The following ANKRD52 variants were observed in gnomAD, a reference collection of about 807,000 sequenced individuals.
ANKRD52 encodes the protein serine/threonine-protein phosphatase 6 regulatory ankyrin repeat subunit C.
Under a neutral mutation model 116.0 loss-of-function variants are expected in ANKRD52, and 7 were observed. That is an observed-to-expected ratio of 0.06 (90% CI 0.03 to 0.11). The LOEUF (loss-of-function observed/expected upper bound fraction) is 0.11, where lower values mean the gene tolerates loss of function less well. Among genes scored for constraint, ANKRD52 ranks in the 10% least tolerant of loss-of-function variants. The pLI, the probability that ANKRD52 is intolerant of heterozygous loss-of-function variation, is 1.00. For missense variants in ANKRD52, 839 were observed against 1,408.6 expected (o/e 0.60, Z 6.47); for synonymous variants, 528 against 578.1 (o/e 0.91, Z 1.24).
Position 56,248,675 on chromosome 12 carries a change from T to C in ANKRD52, c.1704+84A>G. ...AAGCCTCTGGATCCAAAGACCACAT[T>C]TGATTGAACCCTTAGTTTTGGAATC... is the stretch of plus-strand genomic sequence containing the variant. On this transcript the variant is annotated intron_variant, in intron 16 of 27. Coordinates refer to ENST00000267116, the MANE Select transcript of ANKRD52 (RefSeq NM_173595.4). The surrounding 1 kb of genome is among the most constrained non-coding windows in gnomAD (Gnocchi z 5.1). 6.7e-7 allele frequency: 1 copy of C among 1,485,958 alleles called. No homozygotes were observed. 92.0% of individuals were successfully genotyped at this position (1,485,958 alleles called of 1,614,324 possible).
intron 20 of ANKRD52, among the ~76,000 whole-genome samples, 166 bp downstream of exon 20, chr12:56,247,327 T>C (rs1592389603): frequency 7.9e-6 from 1 of 126,876 alleles, no homozygotes; most frequent in Non-Finnish European, 1.6e-5. Context: ...ACCTGGGCAA[T>C]GGGAGTGAGA....
At chr12:56,249,070 T>C (rs1031919555) in intron 15 of ANKRD52, among the ~76,000 whole-genome samples, 200 bp from the exon 16 acceptor site, 1 of 152,242 alleles carries the variant, frequency 6.6e-6, no homozygotes, top group African/African-American at 2.4e-5. Context: ...AGGTCTGCCC[T>C]GAACCCCTCT....
At position 56,248,288 on chromosome 12, in the gene ANKRD52, C is replaced by T. The variant is rs1288106681; in HGVS notation, c.1777-64G>A. 1 of 1,579,676 alleles carries T rather than the reference C, an allele frequency of 6.3e-7. No homozygotes were observed. Among genetic ancestry groups the T allele is most frequent in the Non-Finnish European group, 8.7e-7 (1 of 1,154,052 alleles). On this transcript the variant is annotated intron_variant, in intron 17 of 27. Transcript: ENST00000267116. This position sits in a 1 kb window ranked among gnomAD's most constrained non-coding sequence, Gnocchi z 5.1. ...CCTTCCCTGCTCCTCCCTTCCCCTT[C>T]TCTGCTCTTGGGGTCCCTGGGAAGC... is the stretch of plus-strand genomic sequence containing the variant.
chr12:56,253,522 C>A lies in ANKRD52; in HGVS notation c.986-120G>T, dbSNP rs992912830. 4.3e-5 allele frequency: 41 copies of A among 947,408 alleles called. No homozygotes were observed. Among genetic ancestry groups the A allele is most frequent in the Admixed American group, 6.4e-5 (3 of 46,898 alleles). 58.7% of individuals were successfully genotyped at this position (947,408 alleles called of 1,614,324 possible). On this transcript the variant is annotated intron_variant, in intron 9 of 27. Transcript: ENST00000267116. The surrounding 1 kb of genome is among the most constrained non-coding windows in gnomAD (Gnocchi z 5.5). ...ATCAGGTGCCAGGCCCAGGATTCTA[C>A]ATATTTTATCCTGTTTCTAGGCCTT...
intron 20 of ANKRD52, 25 bp downstream of exon 20, chr12:56,247,468 C>T (rs536356733): frequency 1.3e-6 from 2 of 1,544,470 alleles, no homozygotes; most frequent in East Asian, 4.9e-5. Flanking sequence ...CATGTGCAAA[C>T]AATCCCCCCT....
intron 3 of ANKRD52, 54 bp from the exon 4 acceptor site, chr12:56,257,139 A>G: frequency 6.3e-7 from 1 of 1,587,568 alleles, no homozygotes. Context: ...GGTATGAAGG[A>G]AGCCAGTAAT....
rs757393559 is a variant in ANKRD52 at position 56,251,995 on chromosome 12, G to C, written c.1592+20C>G. The C allele has an allele frequency of 6.2e-7, 1 of 1,610,884 alleles. No individual in the cohort carries two copies. The highest frequency in any genetic ancestry group is 2.2e-5 in the East Asian group (1 of 44,884). On this transcript the variant is annotated intron_variant, in intron 15 of 27. Transcript: ENST00000267116. ...ATGGGTTGGGGAAAGCACATCCCAGGGGCCCTCTCTGCTACTCACAAGAAG... is the reference window on the plus strand; with the variant it reads ...ATGGGTTGGGGAAAGCACATCCCAGCGGCCCTCTCTGCTACTCACAAGAAG...
Position 56,257,901 on chromosome 12 carries a change from A to C in ANKRD52, c.38T>G (p.Val13Gly). ...ILSITDQPPL[V>G]QAIFSRDVEE... ...CACATCTCGGCTAAAGATGGCCTGG[A>C]CCAGGGGCGGCTGCAGAGAGAACCG... Residue 13 changes from valine to glycine, a missense_variant, in exon 2 of 28, where the codon GTC (valine) becomes GGC (glycine). This residue lies in a region of ANKRD52 where 287 missense variants were observed against 598.1 expected (regional missense o/e 0.48). Transcript: ENST00000267116. 1 of 1,586,300 alleles carries C rather than the reference A, an allele frequency of 6.3e-7. No homozygotes were observed. Among genetic ancestry groups the C allele is most frequent in the Non-Finnish European group, 8.6e-7 (1 of 1,164,622 alleles).
At chr12:56,249,937 G>A (rs1312322762) in intron 15 of ANKRD52, among the ~76,000 whole-genome samples, 3 of 152,206 alleles carry the variant, frequency 2.0e-5, no homozygotes. Flanking sequence ...CTACTCAGGA[G>A]GCTGAGGCAG....
chr12:56,249,554 G>C (rs903837753), intron 15 of ANKRD52, among the ~76,000 whole-genome samples: 1 of 152,056 alleles, frequency 6.6e-6, no homozygotes, highest in Non-Finnish European at 1.5e-5. Context: ...TTGGATTTTA[G>C]TGTCCTTTTT....
intron 20 of ANKRD52, 115 bp downstream of exon 20, chr12:56,247,378 G>T: frequency 1.6e-3 from 1,077 of 665,436 alleles, no homozygotes; most frequent in Non-Finnish European, 2.4e-3. Context: ...AAAGAAAAAA[G>T]ACGGCACAAA....
In ANKRD52 at chr12:56,240,493, C is replaced by G. The variant is rs1414891131; in HGVS notation, c.*2649G>C. 2.6e-5 allele frequency: 4 copies of G among 151,806 alleles called. No homozygotes were observed. The highest frequency in any genetic ancestry group is 5.9e-5 in the Non-Finnish European group (4 of 67,924). The allele number at this position is 151,806 out of a possible 1,614,324, so 9.4% of individuals were successfully genotyped here. On this transcript the variant is annotated 3_prime_UTR_variant, in exon 28 of 28. Coordinates refer to ENST00000267116, the MANE Select transcript of ANKRD52 (RefSeq NM_173595.4). The surrounding 1 kb of genome is among the most constrained non-coding windows in gnomAD (Gnocchi z 4.2). The stretch of plus-strand genomic sequence containing the variant: ...GTGGGGAGAGGGGGGAGGGGGAGGG[C>G]AAAGGGAAGGCGCTGTTCCCTCCCC...
intron 20 of ANKRD52, among the ~76,000 whole-genome samples, chr12:56,246,444 G>A (rs1260927508): frequency 1.3e-5 from 2 of 152,168 alleles, no homozygotes; most frequent in Non-Finnish European, 2.9e-5. Context: ...AGTTAATACT[G>A]GAAAGACTAA....
rs1002889836 is a variant in ANKRD52 at position 56,243,849 on chromosome 12, A to G, written c.2916T>C (p.Gly972=). ...GCAGGGCCTGTACCACAGAAGCTAG[A>G]CCATTCCGGGCAGCAATGTGGAGTG... ...QMPLHIAARN[G]LASVVQALLS... Residue 972 remains glycine (G), a synonymous_variant, in exon 27 of 28, where the codon GGT becomes GGC. Transcript: ENST00000267116. The surrounding 1 kb of genome is among the most constrained non-coding windows in gnomAD (Gnocchi z 4.6). The G allele has an allele frequency of 3.8e-6, 6 of 1,566,618 alleles. No individual in the cohort carries two copies. Among genetic ancestry groups the G allele is most frequent in the Non-Finnish European group, 5.2e-6 (6 of 1,155,326 alleles).
chr12:56,256,003 CA>C lies in ANKRD52; in HGVS notation c.262-20del, dbSNP rs955737596. On this transcript the variant is annotated intron_variant, in intron 4 of 27. Coordinates refer to ENST00000267116, the MANE Select transcript of ANKRD52 (RefSeq NM_173595.4). ...GCACCTTCTGTTGAGGGGCAGGGGACAAAAGAGAGAGTGGGAGCAGGAGGTA... is the reference window on the plus strand; with the variant it reads ...GCACCTTCTGTTGAGGGGCAGGGGACAAAGAGAGAGTGGGAGCAGGAGGTA... The C allele has an allele frequency of 1.1e-5, 17 of 1,546,988 alleles. No homozygotes were observed. The African/African-American group carries it at 2.2e-4, about 20-fold the overall frequency.
In ANKRD52 at chr12:56,252,162, C is replaced by T; in HGVS notation, c.1511+13G>A. On this transcript the variant is annotated intron_variant, in intron 14 of 27. Transcript: ENST00000267116. This position sits in a 1 kb window ranked among gnomAD's most constrained non-coding sequence, Gnocchi z 4.7. ...GTGAATGGGGCTGAGAAGGACCAGA[C>T]TGGTAGCCTCACCTCCTGTAAGTGT... 6.2e-7 allele frequency: 1 copy of T among 1,613,940 alleles called. No individual in the cohort carries two copies. Among genetic ancestry groups the T allele is most frequent in the Non-Finnish European group, 8.5e-7 (1 of 1,179,856 alleles).
chr12:56,254,905 G>A lies in ANKRD52; in HGVS notation c.510C>T (p.Asp170=). The A allele has an allele frequency of 6.2e-7, 1 of 1,613,540 alleles. No homozygotes were observed. The highest frequency in any genetic ancestry group is 1.1e-5 in the South Asian group (1 of 91,076). The change falls in exon 6 of 28, where the codon GAC becomes GAT. Residue 170 remains aspartate (D), a synonymous_variant. Coordinates refer to ENST00000267116, the MANE Select transcript of ANKRD52 (RefSeq NM_173595.4). The surrounding 1 kb of genome is among the most constrained non-coding windows in gnomAD (Gnocchi z 4.6). ...LNKGASLNVC[D]KKERQPLHWA... ...AATGCAGAGGCTGCCGCTCCTTTTT[G>A]TCACAGACATTCAGGCTGGCTCCCT...
Position 56,255,118 on chromosome 12 carries a change from A to C in ANKRD52, c.463-166T>G. Reference sequence around the variant, plus strand: ...GGAACAGCAGAAGCAGGCACTAAGGAGGAGATACTGGAGAGATTTGGAACT... The same window carrying C: ...GGAACAGCAGAAGCAGGCACTAAGGCGGAGATACTGGAGAGATTTGGAACT... On this transcript the variant is annotated intron_variant, in intron 5 of 27. Coordinates refer to ENST00000267116, the MANE Select transcript of ANKRD52 (RefSeq NM_173595.4). The surrounding 1 kb of genome is among the most constrained non-coding windows in gnomAD (Gnocchi z 4.3). 1 of 582,314 alleles carries C rather than the reference A, an allele frequency of 1.7e-6. No homozygotes were observed. The highest frequency in any genetic ancestry group is 3.0e-6 in the Non-Finnish European group (1 of 328,618). The allele number at this position is 582,314 out of a possible 1,614,324, so 36.1% of individuals were successfully genotyped here.
At position 56,254,048 on chromosome 12, in the gene ANKRD52, G is replaced by C; in HGVS notation, c.906+19C>G. 6.2e-7 allele frequency: 1 copy of C among 1,609,548 alleles called. No individual in the cohort carries two copies. The highest frequency in any genetic ancestry group is 8.5e-7 in the Non-Finnish European group (1 of 1,176,074). Reference sequence around the variant, plus strand: ...CAAGTTTCGCTCCCCACTGGTCTAAGCCTTATCCCTTCAGGCACCTGGTAG... The same window carrying C: ...CAAGTTTCGCTCCCCACTGGTCTAACCCTTATCCCTTCAGGCACCTGGTAG... On this transcript the variant is annotated intron_variant, in intron 8 of 27. Transcript: ENST00000267116. The surrounding 1 kb of genome is among the most constrained non-coding windows in gnomAD (Gnocchi z 4.6).
Sources: gnomAD v4.1 joint callset for allele counts (sites outside exome capture counted in the v4.1 genomes callset) on GRCh38, gnomAD v4.1.1 for gene constraint, gnomAD v4.1.1 regional missense constraint, Gnocchi (gnomAD v3.1) non-coding constraint, MANE v1.5 for transcripts, NCBI Gene and HGNC (gene_info 2026-07-23, HGNC 2026-07-21) for gene names.